The following CHD6 variants were observed in gnomAD, a reference collection of about 807,000 sequenced individuals.
CHD6 encodes chromodomain helicase DNA binding protein 6.
A neutral mutation model predicts 276.9 loss-of-function variants in CHD6; 50 were observed. The observed-to-expected ratio is 0.18, with a 90% confidence interval of 0.14 to 0.23. The LOEUF is 0.23. Ranked by LOEUF, CHD6 falls within the 10% of genes least tolerant of loss-of-function variation. CHD6 has a pLI of 1.00. For synonymous variants in CHD6, 1,173 were observed against 1,229.3 expected (o/e 0.95, Z 0.96); for missense variants, 2,564 against 3,365.8 (o/e 0.76, Z 5.89).
chr20:41,593,859 C>G (rs1411258744), intron 1 of CHD6, among the ~76,000 whole-genome samples: 1 of 152,086 alleles, frequency 6.6e-6, no homozygotes, highest in African/African-American at 2.4e-5. Context: ...AGAAACCGAA[C>G]CTGCTGACAT....
chr20:41,468,261 C>G (rs1317418109), intron 17 of CHD6, among the ~76,000 whole-genome samples: 2 of 151,986 alleles, frequency 1.3e-5, no homozygotes, highest in Admixed American at 6.6e-5. Flanking sequence ...AGGTGCCCAT[C>G]CCGACGCCTG....
intron 2 of CHD6, among the ~76,000 whole-genome samples, chr20:41,535,757 T>G (rs1364458434): frequency 6.6e-6 from 1 of 152,144 alleles, no homozygotes; most frequent in Non-Finnish European, 1.5e-5. Context: ...TCCTAGCTAC[T>G]TAGGAGGCTG....
At position 41,544,270 on chromosome 20, in the gene CHD6, G is replaced by A. The variant is rs528822122; in HGVS notation, c.33+7035C>T. Among the ~76,000 whole-genome samples the A allele has an allele frequency of 1.1e-4, 17 of 152,148 alleles. No homozygotes were observed. In the East Asian group the frequency reaches 2.3e-3, roughly 21 times the overall value. The stretch of plus-strand genomic sequence containing the variant: ...AAAACAAAGTTAGGCAGAGGAAGAC[G>A]ATTCTTCACAGTCACATCAATACTC... On this transcript the variant is annotated intron_variant, in intron 2 of 36. Coordinates refer to ENST00000373233, the MANE Select transcript of CHD6 (RefSeq NM_032221.5).
Position 41,426,087 on chromosome 20 carries a change from T to C in CHD6, c.4129+6A>G. ...TTCCTATGCCTTCAGAAGGACATAG[T>C]CTCACCTGCCCGGCTGTCATCCTTC... On this transcript the variant is annotated splice_donor_region_variant and intron_variant, in intron 28 of 36. Transcript: ENST00000373233. 1.9e-6 allele frequency: 3 copies of C among 1,599,516 alleles called. No individual in the cohort carries two copies. Among genetic ancestry groups the C allele is most frequent in the Non-Finnish European group, 2.6e-6 (3 of 1,166,682 alleles).
intron 1 of CHD6, among the ~76,000 whole-genome samples, chr20:41,595,411 A>G (rs1395026163): frequency 6.6e-6 from 1 of 152,106 alleles, no homozygotes; most frequent in Non-Finnish European, 1.5e-5. Context: ...GTTTATACCA[A>G]CCCACCAATG....
chr20:41,506,461 C>T (rs1454327061), intron 5 of CHD6, among the ~76,000 whole-genome samples: 1 of 152,194 alleles, frequency 6.6e-6, no homozygotes, highest in Non-Finnish European at 1.5e-5. Context: ...CCCTGCACAA[C>T]TCCCTCTCTC....
intron 14 of CHD6, among the ~76,000 whole-genome samples, chr20:41,486,731 C>G (rs186537352): frequency 1.8e-3 from 276 of 152,300 alleles, no homozygotes; most frequent in Non-Finnish European, 3.5e-3. Flanking sequence ...CAACATCTTC[C>G]CACAATATAA....
chr20:41,537,586 A>C (rs1478285213), intron 2 of CHD6, among the ~76,000 whole-genome samples: 2 of 152,342 alleles, frequency 1.3e-5, no homozygotes, highest in South Asian at 4.1e-4. Flanking sequence ...AATATTTGCA[A>C]ATCATTTATC....
intron 36 of CHD6, 78 bp downstream of exon 36, chr20:41,412,066 C>T: frequency 1.3e-6 from 2 of 1,565,012 alleles, no homozygotes; most frequent in Admixed American, 2.0e-5. Flanking sequence ...CCAGCTGGGG[C>T]TTTCTCTCAA....
chr20:41,481,467 C>T (rs1423453087), intron 16 of CHD6, among the ~76,000 whole-genome samples: 18 of 151,658 alleles, frequency 1.2e-4, no homozygotes, highest in African/African-American at 7.3e-5. Flanking sequence ...TGAAAAAATA[C>T]TCACTCTCAT....
intron 2 of CHD6, among the ~76,000 whole-genome samples, chr20:41,547,120 A>G (rs906917091): frequency 7.2e-5 from 11 of 152,190 alleles, no homozygotes; most frequent in Non-Finnish European, 1.5e-4. Context: ...AGGGTTTTTA[A>G]AAGGTGGATG....
At chr20:41,544,870 A>G (rs1167706791) in intron 2 of CHD6, among the ~76,000 whole-genome samples, 1 of 151,988 alleles carries the variant, frequency 6.6e-6, no homozygotes, top group African/African-American at 2.4e-5. Context: ...CTTACATACA[A>G]TTTACTTTGG....
Position 41,452,650 on chromosome 20 carries a change from T to G in CHD6, c.3323+90A>C. The stretch of plus-strand genomic sequence containing the variant: ...TTTGCCCTATAATTCCAAAGGTGAC[T>G]GGAGAGACATCCTAGACAAATCTCA... On this transcript the variant is annotated intron_variant, in intron 21 of 36. Transcript: ENST00000373233. This position sits in a 1 kb window ranked among gnomAD's most constrained non-coding sequence, Gnocchi z 4.2. The G allele has an allele frequency of 8.6e-7, 1 of 1,169,494 alleles. No homozygotes were observed. The highest frequency in any genetic ancestry group is 1.2e-6 in the Non-Finnish European group (1 of 809,250). The allele number at this position is 1,169,494 out of a possible 1,614,324, so 72.4% of individuals were successfully genotyped here.
intron 17 of CHD6, among the ~76,000 whole-genome samples, chr20:41,469,145 C>A (rs144771298): frequency 6.6e-4 from 100 of 152,304 alleles, no homozygotes; most frequent in African/African-American, 2.3e-3. Flanking sequence ...CCTGTCTCCT[C>A]ACTCTGGACT....
intron 5 of CHD6, among the ~76,000 whole-genome samples, chr20:41,503,992 T>C (rs1037720973): frequency 4.2e-5 from 6 of 144,160 alleles, no homozygotes; most frequent in African/African-American, 1.3e-4. Flanking sequence ...GAAAGAGAAT[T>C]GCTTGAGCCC....
intron 1 of CHD6, among the ~76,000 whole-genome samples, chr20:41,588,555 C>T (rs2045620937): frequency 6.6e-6 from 1 of 152,282 alleles, no homozygotes; most frequent in East Asian, 1.9e-4. Flanking sequence ...TACAAAAACC[C>T]ATCTCACATG....
chr20:41,431,124 G>A (rs1484021081), intron 27 of CHD6, among the ~76,000 whole-genome samples: 4 of 152,284 alleles, frequency 2.6e-5, no homozygotes, highest in Middle Eastern at 3.4e-3. Flanking sequence ...GAGCCACTGC[G>A]CCTGGCCCAG....
At chr20:41,413,213 C>T in intron 35 of CHD6, 111 bp downstream of exon 35, 2 of 781,550 alleles carry the variant, frequency 2.6e-6, no homozygotes, top group Non-Finnish European at 4.0e-6. Context: ...TGACAGATTT[C>T]TCCCAAACAG....
At chr20:41,591,375 T>TACAC (rs1391046913) in intron 1 of CHD6, among the ~76,000 whole-genome samples, 3 of 121,064 alleles carry the variant, frequency 2.5e-5, no homozygotes, top group Non-Finnish European at 4.8e-5. Context: ...CATATATATA[T>TACAC]ATATACACAC....
Sources: allele counts gnomAD v4.1 joint callset (sites outside exome capture counted in the v4.1 genomes callset), GRCh38; gene constraint gnomAD v4.1.1; non-coding constraint Gnocchi (gnomAD v3.1); transcripts MANE v1.5; gene names NCBI Gene and HGNC (gene_info 2026-07-23, HGNC 2026-07-21).